The following NDUFS4 variants were observed in gnomAD, a reference collection of about 807,000 sequenced individuals.
NDUFS4 encodes the protein NADH dehydrogenase [ubiquinone] iron-sulfur protein 4, mitochondrial.
NDUFS4 carries 28 observed loss-of-function variants against 24.3 expected under a neutral mutation model. The observed-to-expected ratio is 1.15, with a 90% CI of 0.85 to 1.58. NDUFS4 has a LOEUF of 1.58. NDUFS4 is among the 40% of genes most tolerant of loss of function. NDUFS4 has a pLI of 0.00. For synonymous variants in NDUFS4, 93 were observed against 69.7 expected (o/e 1.34, Z -1.67); for missense variants, 223 against 207.9 (o/e 1.07, Z -0.45).
chr5:53,571,492 A>T (rs2112414703), intron 1 of NDUFS4, among the ~76,000 whole-genome samples: 1 of 152,304 alleles, frequency 6.6e-6, no homozygotes, highest in South Asian at 2.1e-4. Flanking sequence ...GTGGACATTC[A>T]GATACAATAT....
chr5:53,681,066 A>G (rs72753681), intron 4 of NDUFS4, among the ~76,000 whole-genome samples: 21,795 of 152,104 alleles, frequency 0.14, 2,044 homozygotes, highest in Non-Finnish European at 0.21. Flanking sequence ...ATGGGCTCTA[A>G]TGTAATGGAA....
At chr5:53,680,066 C>A (rs527655955) in intron 4 of NDUFS4, among the ~76,000 whole-genome samples, 2 of 152,254 alleles carry the variant, frequency 1.3e-5, no homozygotes, top group South Asian at 2.1e-4. Context: ...TAAAGAAATG[C>A]AGTTTTATTA....
chr5:53,589,177 C>CT (rs1749862946), intron 1 of NDUFS4, among the ~76,000 whole-genome samples: 1 of 152,160 alleles, frequency 6.6e-6, no homozygotes, highest in East Asian at 1.9e-4. Context: ...ATAGTAAACT[C>CT]TCAAGCTGTA....
At chr5:53,651,058 T>G (rs1251749559) in intron 3 of NDUFS4, among the ~76,000 whole-genome samples, 1 of 152,210 alleles carries the variant, frequency 6.6e-6, no homozygotes, top group Non-Finnish European at 1.5e-5. Context: ...AAAAGTTTTT[T>G]GAAGCAATAG....
At chr5:53,679,187 C>T (rs1402492752) in intron 4 of NDUFS4, among the ~76,000 whole-genome samples, 1 of 152,128 alleles carries the variant, frequency 6.6e-6, no homozygotes, top group African/African-American at 2.4e-5. Context: ...TAGAGAAGCA[C>T]AGTTGCATGT....
chr5:53,647,438 G>A (rs1371773424), intron 3 of NDUFS4, among the ~76,000 whole-genome samples: 2 of 151,834 alleles, frequency 1.3e-5, no homozygotes, highest in African/African-American at 2.4e-5. Flanking sequence ...GGCTGGTCTC[G>A]AACTCCGGGC....
At chr5:53,615,523 C>T (rs1427093526) in intron 2 of NDUFS4, among the ~76,000 whole-genome samples, 1 of 151,922 alleles carries the variant, frequency 6.6e-6, no homozygotes, top group African/African-American at 2.4e-5. Flanking sequence ...CACCTGCAAG[C>T]ATGTGAGATA....
intron 2 of NDUFS4, among the ~76,000 whole-genome samples, chr5:53,615,617 A>G (rs1043123246): frequency 6.6e-6 from 1 of 152,110 alleles, no homozygotes; most frequent in African/African-American, 2.4e-5. Context: ...ATGTCTCCAC[A>G]AAACTGCTTC....
intron 2 of NDUFS4, among the ~76,000 whole-genome samples, chr5:53,640,031 AC>A (rs1156876797): frequency 6.6e-6 from 1 of 151,850 alleles, no homozygotes; most frequent in African/African-American, 2.4e-5. Context: ...CAGTTGTCTT[AC>A]CCCAGAGTCC....
Position 53,665,508 on chromosome 5 carries a change from G to A in NDUFS4, c.424+6884G>A, listed in dbSNP as rs563071851. On this transcript the variant is annotated intron_variant, in intron 4 of 4. Transcript: ENST00000296684. ...GCTTCCTGGCTGCTTTGTTTACCTAGTCAAGCCTTGGCAATGGCGGACGCC... is the reference window on the plus strand; with the variant it reads ...GCTTCCTGGCTGCTTTGTTTACCTAATCAAGCCTTGGCAATGGCGGACGCC... Among the ~76,000 whole-genome samples, 32 of 152,306 alleles carry A rather than the reference G, an allele frequency of 2.1e-4. No individual in the cohort carries two copies. In the South Asian group the frequency reaches 6.2e-3, roughly 30 times the overall value.
At chr5:53,658,219 T>C (rs1392379605) in intron 3 of NDUFS4, among the ~76,000 whole-genome samples, 1 of 152,220 alleles carries the variant, frequency 6.6e-6, no homozygotes, top group Non-Finnish European at 1.5e-5. Context: ...ATCAGTAATC[T>C]TGATAGTAAA....
At chr5:53,670,695 C>T (rs1329257861) in intron 4 of NDUFS4, among the ~76,000 whole-genome samples, 2 of 150,918 alleles carry the variant, frequency 1.3e-5, no homozygotes, top group Non-Finnish European at 3.0e-5. Context: ...ACAGGAAACT[C>T]ATATCCAACT....
At chr5:53,630,550 G>A (rs3103597) in intron 2 of NDUFS4, among the ~76,000 whole-genome samples, 38,963 of 151,568 alleles carry the variant, frequency 0.26, 6,621 homozygotes, top group African/African-American at 0.47. Context: ...TCACATAATC[G>A]TATATTTCTT....
At chr5:53,582,069 G>C (rs1449230507) in intron 1 of NDUFS4, among the ~76,000 whole-genome samples, 3 of 151,914 alleles carry the variant, frequency 2.0e-5, no homozygotes, top group African/African-American at 4.8e-5. Context: ...AAATTAGCCG[G>C]GCGTGGTGTT....
intron 3 of NDUFS4, among the ~76,000 whole-genome samples, chr5:53,655,543 A>G (rs1396173755): frequency 1.3e-5 from 2 of 152,096 alleles, no homozygotes; most frequent in Non-Finnish European, 2.9e-5. Context: ...AGAATCTCGT[A>G]TATATCTTTT....
intron 2 of NDUFS4, among the ~76,000 whole-genome samples, chr5:53,636,195 TA>T (rs1751546802): frequency 6.6e-6 from 1 of 152,186 alleles, no homozygotes; most frequent in South Asian, 2.1e-4. Context: ...ACAGATTTTT[TA>T]AAAAACCAGT....
chr5:53,652,197 G>C (rs1752040148), intron 3 of NDUFS4, among the ~76,000 whole-genome samples: 1 of 152,004 alleles, frequency 6.6e-6, no homozygotes, highest in Non-Finnish European at 1.5e-5. Flanking sequence ...GAAGTGTGCA[G>C]TATAAGAAAT....
At chr5:53,634,012 A>T (rs548456275) in intron 2 of NDUFS4, among the ~76,000 whole-genome samples, 1 of 152,370 alleles carries the variant, frequency 6.6e-6, no homozygotes, top group South Asian at 2.1e-4. Context: ...TTAAAAGAAT[A>T]CACGTGTACA....
At chr5:53,574,596 A>G (rs1394166745) in intron 1 of NDUFS4, among the ~76,000 whole-genome samples, 1 of 151,752 alleles carries the variant, frequency 6.6e-6, no homozygotes, top group Non-Finnish European at 1.5e-5. Flanking sequence ...GAGCTGGGAA[A>G]TTTTTCATCA....
Sources: allele counts gnomAD v4.1 joint callset (sites outside exome capture counted in the v4.1 genomes callset), GRCh38; gene constraint gnomAD v4.1.1; transcripts MANE v1.5; gene names NCBI Gene and HGNC (gene_info 2026-07-23, HGNC 2026-07-21).